IGSF3: variants seen among roughly 807,000 people sequenced by gnomAD.
IGSF3 encodes the protein immunoglobulin superfamily member 3.
IGSF3 carries 23 observed loss-of-function variants against 114.4 expected under a neutral mutation model. The ratio of observed to expected loss-of-function variants is 0.20; its 90% confidence interval spans 0.14 to 0.28. IGSF3 has a LOEUF of 0.28. Ranked by LOEUF, IGSF3 falls within the 10% of genes least tolerant of loss-of-function variation. The pLI is 1.00. For synonymous variants in IGSF3, 571 were observed against 645.2 expected (o/e 0.88, Z 1.74); for missense variants, 1,172 against 1,591.5 (o/e 0.74, Z 4.48).
chr1:116,639,504 C>A (rs1202825436), intron 2 of IGSF3, among the ~76,000 whole-genome samples: 1 of 152,214 alleles, frequency 6.6e-6, no homozygotes, highest in African/African-American at 2.4e-5. Flanking sequence ...AAGGAAGCTG[C>A]ATCTGGGATC....
intron 5 of IGSF3, among the ~76,000 whole-genome samples, chr1:116,604,560 G>A (rs1571146877): frequency 1.3e-5 from 2 of 152,324 alleles, no homozygotes; most frequent in South Asian, 2.1e-4. Flanking sequence ...GGACGATAAC[G>A]TGTGCTTAAG....
intron 5 of IGSF3, among the ~76,000 whole-genome samples, chr1:116,604,716 T>C (rs561446816): frequency 5.9e-5 from 9 of 152,306 alleles, no homozygotes; most frequent in African/African-American, 2.2e-4. Flanking sequence ...GCCCTGGGGC[T>C]CCTTTGCTCT....
At chr1:116,597,736 G>T (rs113404091) in intron 7 of IGSF3, among the ~76,000 whole-genome samples, 1 of 152,168 alleles carries the variant, frequency 6.6e-6, no homozygotes, top group African/African-American at 2.4e-5. Flanking sequence ...CTTTACCCAG[G>T]AGGCAATTAT....
rs1659490428 is a variant in IGSF3 at position 116,579,383 on chromosome 1, G to A, written c.3334+9C>T. ...AGTGACATCCTCCCTCTGTACTTGG[G>A]AAACTCACTTGTATCTAGAACACGG... is the stretch of plus-strand genomic sequence containing the variant. On this transcript the variant is annotated intron_variant, in intron 10 of 10. Coordinates refer to ENST00000369486, the MANE Select transcript of IGSF3 (RefSeq NM_001007237.3). This position sits in a 1 kb window ranked among gnomAD's most constrained non-coding sequence, Gnocchi z 6.4. 1.9e-6 allele frequency: 3 copies of A among 1,541,364 alleles called. No homozygotes were observed. In the Admixed American group the frequency reaches 6.0e-5, roughly 31 times the overall value.
chr1:116,608,342 A>G lies in IGSF3; in HGVS notation c.833-11T>C. 1 of 1,607,946 alleles carries G rather than the reference A, an allele frequency of 6.2e-7. No individual in the cohort carries two copies. On this transcript the variant is annotated splice_polypyrimidine_tract_variant and intron_variant, in intron 4 of 10. Transcript: ENST00000369486. ...CAGTGAATTCTTTGTCTGAGAGAAC[A>G]AGTAAGAAAAGAGACACATCCTGGG...
At chr1:116,581,048 C>T (rs1353495217) in intron 9 of IGSF3, among the ~76,000 whole-genome samples, 1 of 152,084 alleles carries the variant, frequency 6.6e-6, no homozygotes, top group Non-Finnish European at 1.5e-5. Flanking sequence ...TTTAAAACAC[C>T]CATGCAGTAA....
chr1:116,578,612 A>G, intron 10 of IGSF3, among the ~76,000 whole-genome samples: 1 of 152,246 alleles, frequency 6.6e-6, no homozygotes, highest in Non-Finnish European at 1.5e-5. Flanking sequence ...GATGATGTTG[A>G]AAAATGTTTT....
rs894178697 is a variant in IGSF3, at chr1:116,662,608, C to T, written c.43+3676G>A. 3.9e-5 allele frequency among the ~76,000 whole-genome samples: 6 copies of T among 152,142 alleles called. No homozygotes were observed. The highest frequency in any genetic ancestry group is 8.8e-5 in the Non-Finnish European group (6 of 68,018). On this transcript the variant is annotated intron_variant, in intron 2 of 10. Transcript: ENST00000369486. This position sits in a 1 kb window ranked among gnomAD's most constrained non-coding sequence, Gnocchi z 4.3. ...CACAGCCCTGGGTACCTGGAGGTAG[C>T]TCAATGATTCTCACAGCTGAAAGGC...
Position 116,585,791 on chromosome 1 carries a change from G to A in IGSF3, c.2441-739C>T, listed in dbSNP as rs569962500. 6.6e-6 allele frequency among the ~76,000 whole-genome samples: 1 copy of A among 152,208 alleles called. No individual in the cohort carries two copies. The highest frequency in any genetic ancestry group is 2.1e-4 in the South Asian group (1 of 4,820). ...ACAAAAATTAGCCAGGTGTGGTGGT[G>A]TGCGCCTGTAATCCCAGCTACTCGG... is the stretch of plus-strand genomic sequence containing the variant. On this transcript the variant is annotated intron_variant, in intron 8 of 10. Transcript: ENST00000369486. The surrounding 1 kb of genome is among the most constrained non-coding windows in gnomAD (Gnocchi z 4.9).
intron 2 of IGSF3, among the ~76,000 whole-genome samples, chr1:116,653,839 G>A (rs533876913): frequency 1.3e-5 from 2 of 152,344 alleles, no homozygotes; most frequent in South Asian, 2.1e-4. Context: ...GTGCCGAAAC[G>A]CAGAACTGGA....
rs1315083782 is a variant in IGSF3 at position 116,633,267 on chromosome 1, G to A, written c.44-16810C>T. ...CAAGCACTTCCCACCTCCTGCTCTG[G>A]GAAATCAGATCTCAGTAGGTCATCA... On this transcript the variant is annotated intron_variant, in intron 2 of 10. Coordinates refer to ENST00000369486, the MANE Select transcript of IGSF3 (RefSeq NM_001007237.3). This position sits in a 1 kb window ranked among gnomAD's most constrained non-coding sequence, Gnocchi z 4.3. Among the ~76,000 whole-genome samples the A allele has an allele frequency of 6.6e-6, 1 of 152,156 alleles. No homozygotes were observed. The highest frequency in any genetic ancestry group is 1.5e-5 in the Non-Finnish European group (1 of 68,032).
chr1:116,613,078 C>T (rs1661084856), intron 4 of IGSF3, among the ~76,000 whole-genome samples: 1 of 152,228 alleles, frequency 6.6e-6, no homozygotes, highest in Admixed American at 6.5e-5. Context: ...TACTCTCAGA[C>T]TGGCCTCATC....
rs773771832 is a variant in IGSF3 at position 116,603,938 on chromosome 1, G to C, written c.1310C>G (p.Ala437Gly). Residue 437 changes from alanine (A) to glycine (G), a missense_variant, in exon 6 of 11, where the codon GCA (alanine) becomes GGA (glycine). Physicochemically the swap from Ala to Gly is moderately conservative, Grantham distance 60 (BLOSUM62 0). Around this residue, in one of 3 missense-constraint regions of IGSF3, gnomAD observed 736 missense variants for 1,042.0 expected, o/e 0.71. Coordinates refer to ENST00000369486, the MANE Select transcript of IGSF3 (RefSeq NM_001007237.3). The surrounding 1 kb of genome is among the most constrained non-coding windows in gnomAD (Gnocchi z 7.1). ...DLRFSCSVRT[A>G]GRPQGRFSVI... ...AGAGAAGCGACCCTGCGGCCTGCCT[G>C]CCGTGCGGACACTGCAGGAGAAGCG... The C allele has an allele frequency of 6.2e-7, 1 of 1,613,920 alleles. No individual in the cohort carries two copies. The highest frequency in any genetic ancestry group is 8.5e-7 in the Non-Finnish European group (1 of 1,180,030).
chr1:116,656,810 C>G (rs1049069086), intron 2 of IGSF3, among the ~76,000 whole-genome samples: 2 of 151,938 alleles, frequency 1.3e-5, no homozygotes, highest in Non-Finnish European at 2.9e-5. Flanking sequence ...CACCTGTAAT[C>G]CCAGCTACTC....
chr1:116,661,017 G>A lies in IGSF3; in HGVS notation c.43+5267C>T, dbSNP rs1013557772. 5.3e-5 allele frequency among the ~76,000 whole-genome samples: 8 copies of A among 152,174 alleles called. No homozygotes were observed. Among genetic ancestry groups the A allele is most frequent in the African/African-American group, 1.9e-4 (8 of 41,438 alleles). On this transcript the variant is annotated intron_variant, in intron 2 of 10. Transcript: ENST00000369486. This position sits in a 1 kb window ranked among gnomAD's most constrained non-coding sequence, Gnocchi z 4.0. ...CTCATCAAAAAATTAACTGGGCCAGGTGTGGTAGCTCACGCCTGTAATTTC... is the reference window on the plus strand; with the variant it reads ...CTCATCAAAAAATTAACTGGGCCAGATGTGGTAGCTCACGCCTGTAATTTC...
chr1:116,580,295 T>G (rs145188823), intron 9 of IGSF3, among the ~76,000 whole-genome samples: 163 of 152,296 alleles, frequency 1.1e-3, no homozygotes, highest in African/African-American at 3.7e-3. Flanking sequence ...ATGTGATTAT[T>G]TGGAAATAGC....
At chr1:116,645,636 G>T (rs576126637) in intron 2 of IGSF3, among the ~76,000 whole-genome samples, 1 of 152,302 alleles carries the variant, frequency 6.6e-6, no homozygotes, top group South Asian at 2.1e-4. Flanking sequence ...TGCTTCATTT[G>T]TACAGGTGGC....
intron 2 of IGSF3, among the ~76,000 whole-genome samples, chr1:116,652,463 A>G (rs1485947717): frequency 6.6e-6 from 1 of 152,230 alleles, no homozygotes; most frequent in East Asian, 1.9e-4. Flanking sequence ...ATTAGTCTAC[A>G]TTGTTAGAGG....
rs1449521453 is a variant in IGSF3, at chr1:116,596,976, T to A, written c.2029+2965A>T. Among the ~76,000 whole-genome samples the A allele has an allele frequency of 6.6e-6, 1 of 152,226 alleles. No homozygotes were observed. Among genetic ancestry groups the A allele is most frequent in the Non-Finnish European group, 1.5e-5 (1 of 68,040 alleles). ...ACACTAGTGCTATAACTCCTCCACA[T>A]CATCAATCTACAAGGAGAAAATTCT... On this transcript the variant is annotated intron_variant, in intron 7 of 10. Coordinates refer to ENST00000369486, the MANE Select transcript of IGSF3 (RefSeq NM_001007237.3). This position sits in a 1 kb window ranked among gnomAD's most constrained non-coding sequence, Gnocchi z 4.1.
Sources: allele counts gnomAD v4.1 joint callset (sites outside exome capture counted in the v4.1 genomes callset), GRCh38; gene constraint gnomAD v4.1.1; regional missense constraint gnomAD v4.1.1; non-coding constraint Gnocchi (gnomAD v3.1); transcripts MANE v1.5; gene names NCBI Gene and HGNC (gene_info 2026-07-23, HGNC 2026-07-21).